The following LPP variants were observed in gnomAD, a reference collection of about 807,000 sequenced individuals.
The protein encoded by LPP is lipoma-preferred partner.
LPP carries 38 observed loss-of-function variants against 60.4 expected under a neutral mutation model. The ratio of observed to expected loss-of-function variants is 0.63; its 90% CI spans 0.49 to 0.83. The LOEUF is 0.83. Ranked by LOEUF, LPP falls within the 40% of genes least tolerant of loss-of-function variation. LPP has a pLI of 0.00. For synonymous variants in LPP, 328 were observed against 290.8 expected (o/e 1.13, Z -1.30); for missense variants, 902 against 783.6 (o/e 1.15, Z -1.80).
chr3:188,714,495 G>C (rs1220389076), intron 8 of LPP, among the ~76,000 whole-genome samples: 1 of 151,956 alleles, frequency 6.6e-6, no homozygotes, highest in East Asian at 1.9e-4. Flanking sequence ...CATGGGAGAA[G>C]GCAAATCACT....
intron 7 of LPP, among the ~76,000 whole-genome samples, chr3:188,686,346 C>T (rs1205164218): frequency 2.6e-5 from 4 of 152,180 alleles, no homozygotes; most frequent in Non-Finnish European, 5.9e-5. Context: ...AAGATCTATA[C>T]TCCTTTAAAC....
chr3:188,312,610 T>C (rs1163960409), intron 2 of LPP, among the ~76,000 whole-genome samples: 1 of 152,222 alleles, frequency 6.6e-6, no homozygotes, highest in Non-Finnish European at 1.5e-5. Context: ...CTTTGAACCA[T>C]TGAAATTTTA....
chr3:188,656,104 AT>A (rs1350583211), intron 7 of LPP, among the ~76,000 whole-genome samples: 1 of 150,870 alleles, frequency 6.6e-6, no homozygotes, highest in Admixed American at 6.6e-5. Flanking sequence ...AGACAGGAGA[AT>A]TGCTTGAACC....
chr3:188,571,055 C>T (rs981175410), intron 6 of LPP, among the ~76,000 whole-genome samples: 1 of 152,006 alleles, frequency 6.6e-6, no homozygotes, highest in African/African-American at 2.4e-5. Flanking sequence ...GTTGTGCTAA[C>T]TGTCCTTAAA....
chr3:188,662,597 A>T (rs1248764114), intron 7 of LPP, among the ~76,000 whole-genome samples: 2 of 152,240 alleles, frequency 1.3e-5, no homozygotes, highest in Non-Finnish European at 2.9e-5. Context: ...ACTTTATGGT[A>T]GCTATTAATA....
chr3:188,480,578 C>G, intron 4 of LPP, among the ~76,000 whole-genome samples: 1 of 152,232 alleles, frequency 6.6e-6, no homozygotes, highest in East Asian at 1.9e-4. Context: ...TCTACTGCTT[C>G]TAAAACTGGA....
rs188738798 is a variant in LPP at position 188,591,780 on chromosome 3, T to C, written c.430-17381T>C. 9.7e-4 allele frequency among the ~76,000 whole-genome samples: 147 copies of C among 152,324 alleles called. 1 individual carries two copies. Among genetic ancestry groups the C allele is most frequent in the African/African-American group, 1.5e-3 (63 of 41,576 alleles). Reference sequence around the variant, plus strand: ...AATGTGATAATACAAATAATAATGGTACTCACAACAACAATAAATGACTGG... The same window carrying C: ...AATGTGATAATACAAATAATAATGGCACTCACAACAACAATAAATGACTGG... On this transcript the variant is annotated intron_variant, in intron 6 of 11. Coordinates refer to ENST00000617246, the MANE Select transcript of LPP (RefSeq NM_001375462.1).
chr3:188,405,172 T>G (rs1783151809), intron 3 of LPP, among the ~76,000 whole-genome samples: 1 of 152,178 alleles, frequency 6.6e-6, no homozygotes, highest in South Asian at 2.1e-4. Context: ...GGTCCTAAAT[T>G]CTAATAATTG....
At chr3:188,261,789 CTG>C (rs1733747552) in intron 2 of LPP, among the ~76,000 whole-genome samples, 1 of 151,844 alleles carries the variant, frequency 6.6e-6, no homozygotes, top group African/African-American at 2.4e-5. Context: ...TGGCACATAT[CTG>C]TAGTCCTACC....
intron 9 of LPP, among the ~76,000 whole-genome samples, chr3:188,793,481 C>CA (rs1215036272): frequency 1.3e-5 from 2 of 152,128 alleles, no homozygotes; most frequent in Non-Finnish European, 2.9e-5. Flanking sequence ...CATGCCCGGC[C>CA]ACTTTCTCAT....
intron 2 of LPP, among the ~76,000 whole-genome samples, chr3:188,284,189 C>A (rs1033461840): frequency 6.6e-6 from 1 of 151,840 alleles, no homozygotes; most frequent in African/African-American, 2.4e-5. Flanking sequence ...CTCAGGTGAT[C>A]CGCCTGCCTC....
intron 2 of LPP, among the ~76,000 whole-genome samples, chr3:188,285,050 G>A (rs1274364934): frequency 2.0e-5 from 3 of 152,168 alleles, no homozygotes; most frequent in East Asian, 3.8e-4. Context: ...AACAGGGCAT[G>A]TGAGGTCAGG....
intron 5 of LPP, among the ~76,000 whole-genome samples, chr3:188,522,855 G>T (rs1579608550): frequency 6.8e-6 from 1 of 146,112 alleles, no homozygotes. Context: ...GTGTGTGTAT[G>T]TGTGTATATA....
chr3:188,540,865 C>T (rs1824972924), intron 6 of LPP, among the ~76,000 whole-genome samples: 2 of 152,160 alleles, frequency 1.3e-5, no homozygotes, highest in Admixed American at 6.6e-5. Flanking sequence ...CTCTTTTCAG[C>T]TGGGCATCTT....
At chr3:188,325,884 G>C (rs185824216) in intron 2 of LPP, among the ~76,000 whole-genome samples, 3 of 152,306 alleles carry the variant, frequency 2.0e-5, no homozygotes, top group African/African-American at 4.8e-5. Flanking sequence ...TGTTTATTCA[G>C]GAACTGAATG....
chr3:188,773,438 G>A (rs188182830), intron 9 of LPP, among the ~76,000 whole-genome samples: 268 of 152,208 alleles, frequency 1.8e-3, no homozygotes, highest in Middle Eastern at 0.01. Context: ...AGCGAGGAAT[G>A]CCTTGCTTGG....
chr3:188,671,820 G>A (rs1857014882), intron 7 of LPP, among the ~76,000 whole-genome samples: 1 of 152,168 alleles, frequency 6.6e-6, no homozygotes, highest in African/African-American at 2.4e-5. Context: ...TCTAGGCCCG[G>A]AATGGGTGAA....
chr3:188,250,941 TCC>T (rs1729296463), intron 2 of LPP, among the ~76,000 whole-genome samples: 1 of 25,604 alleles, frequency 3.9e-5, no homozygotes, highest in Non-Finnish European at 7.2e-5. Flanking sequence ...TCCCTTCCCT[TCC>T]CTTCCCTTCC....
intron 7 of LPP, among the ~76,000 whole-genome samples, chr3:188,653,465 T>C (rs553624317): frequency 1.3e-5 from 2 of 151,848 alleles, no homozygotes; most frequent in African/African-American, 4.8e-5. Context: ...TATAGCACTG[T>C]TTTTTTTAAT....
Sources: gnomAD v4.1 joint callset for allele counts (sites outside exome capture counted in the v4.1 genomes callset) on GRCh38, gnomAD v4.1.1 for gene constraint, MANE v1.5 for transcripts, NCBI Gene and HGNC (gene_info 2026-07-23, HGNC 2026-07-21) for gene names.